The following NAV3 variants were observed in gnomAD, a reference collection of about 807,000 sequenced individuals.
NAV3 encodes neuron navigator 3.
A neutral mutation model predicts 244.7 loss-of-function variants in NAV3; 87 were observed. The ratio of observed to expected loss-of-function variants is 0.36; its 90% CI spans 0.30 to 0.42. NAV3 has a LOEUF of 0.42. Among genes scored for constraint, NAV3 ranks in the 20% least tolerant of loss-of-function variants. The probability of loss-of-function intolerance (pLI) is 1.00; values close to 1 mark genes in which losing one functional copy is unlikely to be tolerated. For missense variants in NAV3, 2,663 were observed against 2,893.3 expected (o/e 0.92, Z 1.83); for synonymous variants, 1,126 against 1,042.2 (o/e 1.08, Z -1.55).
At chr12:78,011,162 T>C (rs1474004986) in intron 8 of NAV3, among the ~76,000 whole-genome samples, 3 of 152,124 alleles carry the variant, frequency 2.0e-5, no homozygotes, top group Admixed American at 6.5e-5. Flanking sequence ...CTACCTGAAA[T>C]TGGAATAGGC....
intron 12 of NAV3, among the ~76,000 whole-genome samples, chr12:78,086,921 C>G (rs926842450): frequency 2.6e-5 from 4 of 151,980 alleles, no homozygotes; most frequent in Admixed American, 6.6e-5. Flanking sequence ...GACACCAACA[C>G]TTTTTCCTAT....
chr12:77,836,960 C>G (rs1226857646), intron 1 of NAV3, among the ~76,000 whole-genome samples: 11 of 152,234 alleles, frequency 7.2e-5, no homozygotes, highest in African/African-American at 2.4e-4. Context: ...TCACACAGAG[C>G]TGGCACTAAT....
intron 34 of NAV3, among the ~76,000 whole-genome samples, chr12:78,195,340 A>T (rs1959157142): frequency 6.6e-6 from 1 of 151,602 alleles, no homozygotes; most frequent in South Asian, 2.1e-4. Flanking sequence ...TTTATTCTTT[A>T]GATTTCAATC....
chr12:77,682,507 G>A (rs1420338769), intron 2 of NAV3, among the ~76,000 whole-genome samples: 1 of 152,076 alleles, frequency 6.6e-6, no homozygotes, highest in African/African-American at 2.4e-5. Context: ...CATTTCCTTT[G>A]GGTATATATC....
intron 2 of NAV3, among the ~76,000 whole-genome samples, chr12:77,615,327 G>GTGTAAAAA (rs1481331649): frequency 1.3e-5 from 2 of 152,034 alleles, no homozygotes; most frequent in African/African-American, 4.8e-5. Flanking sequence ...CTGAAGCTTG[G>GTGTAAAAA]TGTAAAAATG....
chr12:78,115,418 C>T (rs1037802985), intron 12 of NAV3, among the ~76,000 whole-genome samples: 1 of 152,128 alleles, frequency 6.6e-6, no homozygotes, highest in Non-Finnish European at 1.5e-5. Flanking sequence ...AACTGTGGTC[C>T]ACCTTTTCAT....
intron 30 of NAV3, among the ~76,000 whole-genome samples, chr12:78,183,602 G>A (rs528289510): frequency 1.3e-5 from 2 of 151,990 alleles, no homozygotes; most frequent in East Asian, 1.9e-4. Flanking sequence ...GCTTTAAATA[G>A]CCACATAATA....
chr12:77,627,940 C>T (rs1197914695), intron 2 of NAV3, among the ~76,000 whole-genome samples: 2 of 152,120 alleles, frequency 1.3e-5, no homozygotes, highest in East Asian at 1.9e-4. Context: ...CACATGTTCT[C>T]ACTCATATGA....
intron 2 of NAV3, among the ~76,000 whole-genome samples, chr12:77,696,033 C>A (rs1045393414): frequency 2.5e-4 from 38 of 152,060 alleles, no homozygotes; most frequent in African/African-American, 8.9e-4. Context: ...CTACATCAGT[C>A]CAAGAAGAGA....
chr12:77,710,065 A>T (rs1300988556), intron 2 of NAV3, among the ~76,000 whole-genome samples: 1 of 152,182 alleles, frequency 6.6e-6, no homozygotes, highest in East Asian at 1.9e-4. Flanking sequence ...TGTGTCTTAG[A>T]AATCCACATT....
At chr12:77,853,791 T>C (rs956431509) in intron 1 of NAV3, among the ~76,000 whole-genome samples, 1 of 152,214 alleles carries the variant, frequency 6.6e-6, no homozygotes, top group Non-Finnish European at 1.5e-5. Flanking sequence ...GGAGTTAATA[T>C]TTCATAAGGT....
intron 1 of NAV3, among the ~76,000 whole-genome samples, chr12:77,895,308 ATT>A (rs1884452625): frequency 1.8e-5 from 1 of 56,068 alleles, no homozygotes; most frequent in South Asian, 7.2e-4. Flanking sequence ...GTTTAGAATG[ATT>A]GTGTGTGTGT....
At chr12:78,069,145 T>A (rs1263220654) in intron 12 of NAV3, among the ~76,000 whole-genome samples, 2 of 152,060 alleles carry the variant, frequency 1.3e-5, no homozygotes, top group Non-Finnish European at 2.9e-5. Flanking sequence ...CCATTTATAT[T>A]TTTTTCTTGC....
intron 1 of NAV3, among the ~76,000 whole-genome samples, chr12:77,903,825 G>C (rs555721162): frequency 6.6e-6 from 1 of 152,152 alleles, no homozygotes; most frequent in African/African-American, 2.4e-5. Context: ...CCATCAAAAA[G>C]TGGGTGAAGG....
At chr12:77,870,035 T>C (rs551220346) in intron 1 of NAV3, among the ~76,000 whole-genome samples, 55 of 152,278 alleles carry the variant, frequency 3.6e-4, no homozygotes, top group African/African-American at 1.3e-3. Context: ...ATTATCTAAA[T>C]GTTACTGCAA....
At chr12:77,994,373 A>G (rs11107738) in intron 5 of NAV3, among the ~76,000 whole-genome samples, 2,760 of 152,334 alleles carry the variant, frequency 0.018, 47 homozygotes, top group Non-Finnish European at 0.03. Flanking sequence ...AGTTTACTAA[A>G]GGAACTAATG....
chr12:77,866,661 G>C (rs1158722108), intron 1 of NAV3, among the ~76,000 whole-genome samples: 1 of 152,124 alleles, frequency 6.6e-6, no homozygotes, highest in African/African-American at 2.4e-5. Context: ...CCTTTGATTA[G>C]GATTTAAAAC....
chr12:78,033,283 A>G (rs2136981713), intron 9 of NAV3, among the ~76,000 whole-genome samples: 1 of 152,130 alleles, frequency 6.6e-6, no homozygotes, highest in South Asian at 2.1e-4. Flanking sequence ...TCAAGCTCAG[A>G]TAATTCAAAT....
In NAV3 at chr12:77,941,068, C is replaced by G. The variant is rs1889826310; in HGVS notation, c.362-13C>G. 6.8e-7 allele frequency: 1 copy of G among 1,477,460 alleles called. No individual in the cohort carries two copies. 91.5% of individuals were successfully genotyped at this position (1,477,460 alleles called of 1,614,324 possible). ...TCTTTTTTTCTCTCTTTTATTTTAT[C>G]TCTTGGCTTTAGCAAATGAAAAAGT... On this transcript the variant is annotated splice_polypyrimidine_tract_variant and intron_variant, in intron 2 of 39. Transcript: ENST00000397909.
Sources: allele counts gnomAD v4.1 joint callset (sites outside exome capture counted in the v4.1 genomes callset), GRCh38; gene constraint gnomAD v4.1.1; transcripts MANE v1.5; gene names NCBI Gene and HGNC (gene_info 2026-07-23, HGNC 2026-07-21).